Variants in MAST4 observed in about 807,000 individuals in gnomAD.
The protein encoded by MAST4 is microtubule associated serine/threonine kinase family member 4.
MAST4 carries 89 observed loss-of-function variants against 162.7 expected under a neutral mutation model. That is an observed-to-expected ratio of 0.55 (90% CI 0.46 to 0.65). The LOEUF (loss-of-function observed/expected upper bound fraction) is 0.65. Among genes scored for constraint, MAST4 ranks in the 30% least tolerant of loss-of-function variants. The pLI, the probability that MAST4 is intolerant of heterozygous loss-of-function variation, is 0.00. For missense variants in MAST4, 3,153 were observed against 3,374.0 expected (o/e 0.93, Z 1.62); for synonymous variants, 1,479 against 1,361.1 (o/e 1.09, Z -1.91).
chr5:66,853,895 A>C (rs1650906800), intron 3 of MAST4, among the ~76,000 whole-genome samples: 1 of 152,172 alleles, frequency 6.6e-6, no homozygotes, highest in Admixed American at 6.5e-5. Context: ...AGCTATTTTA[A>C]TTATATATTT....
intron 2 of MAST4, among the ~76,000 whole-genome samples, chr5:66,776,132 A>T (rs1242055331): frequency 6.6e-6 from 1 of 152,192 alleles, no homozygotes; most frequent in African/African-American, 2.4e-5. Context: ...CTTGTCTGGA[A>T]GTTTCTGCAT....
Position 66,984,625 on chromosome 5 carries a change from AG to A in MAST4, c.675-69778del, listed in dbSNP as rs1749257313. ...TGTAGAGGGTGGATAGAGCTCAAAA[AG>A]TAACTTAGAATGAGAGAGAATGTTG... On this transcript the variant is annotated intron_variant, in intron 4 of 28. Coordinates refer to ENST00000403625, the MANE Select transcript of MAST4 (RefSeq NM_001164664.2). Among the ~76,000 whole-genome samples the A allele has an allele frequency of 2.6e-5, 4 of 152,268 alleles. No homozygotes were observed. The South Asian group carries it at 8.3e-4, about 32-fold the overall frequency.
chr5:66,618,116 C>T (rs879654056), intron 1 of MAST4, among the ~76,000 whole-genome samples: 81 of 152,074 alleles, frequency 5.3e-4, no homozygotes, highest in African/African-American at 1.8e-3. Flanking sequence ...GTAGGAGCAC[C>T]GGCCTCCCGC....
chr5:66,934,637 A>G (rs916693448), intron 4 of MAST4, among the ~76,000 whole-genome samples: 1 of 152,164 alleles, frequency 6.6e-6, no homozygotes, highest in Non-Finnish European at 1.5e-5. Context: ...TAAGAGTAAG[A>G]ATTGGTGCAG....
chr5:66,911,489 G>A (rs1455439069), intron 4 of MAST4, among the ~76,000 whole-genome samples: 1 of 148,918 alleles, frequency 6.7e-6, no homozygotes, highest in Non-Finnish European at 1.5e-5. Flanking sequence ...ATTGCTTGAG[G>A]TCTGGAGTTG....
intron 1 of MAST4, among the ~76,000 whole-genome samples, chr5:66,683,760 T>C (rs1026473003): frequency 1.3e-5 from 2 of 152,172 alleles, no homozygotes; most frequent in African/African-American, 4.8e-5. Context: ...TAAGTTAGAC[T>C]CCTGGGATCC....
At position 66,669,335 on chromosome 5, in the gene MAST4, C is replaced by G. The variant is rs145047472; in HGVS notation, c.363+72317C>G. 7.5e-4 allele frequency among the ~76,000 whole-genome samples: 114 copies of G among 152,184 alleles called. 1 individual carries two copies. The East Asian group carries it at 0.021, about 28-fold the overall frequency. On this transcript the variant is annotated intron_variant, in intron 1 of 28. Coordinates refer to ENST00000403625, the MANE Select transcript of MAST4 (RefSeq NM_001164664.2). ...GGTGGAGAAGGGGGTGTACCCTATG[C>G]GTATTTATTTAAAATGAGAAGAGAT... is the stretch of plus-strand genomic sequence containing the variant.
intron 4 of MAST4, among the ~76,000 whole-genome samples, chr5:66,981,369 T>C (rs548567269): frequency 3.3e-4 from 51 of 152,356 alleles, no homozygotes; most frequent in African/African-American, 1.2e-3. Context: ...GAATGGCTAA[T>C]AATAGATACT....
At chr5:66,988,217 T>C (rs1749721384) in intron 4 of MAST4, among the ~76,000 whole-genome samples, 1 of 152,232 alleles carries the variant, frequency 6.6e-6, no homozygotes, top group African/African-American at 2.4e-5. Context: ...TCTCTGATTC[T>C]GTCACTGACC....
At chr5:66,892,470 AT>A (rs1407612954) in intron 3 of MAST4, among the ~76,000 whole-genome samples, 2 of 152,128 alleles carry the variant, frequency 1.3e-5, no homozygotes, top group Non-Finnish European at 2.9e-5. Context: ...AAGGAAACCC[AT>A]TTTGTTGGCT....
At chr5:66,624,146 GTTTT>G (rs200030700) in intron 1 of MAST4, among the ~76,000 whole-genome samples, 3 of 90,120 alleles carry the variant, frequency 3.3e-5, no homozygotes, top group Non-Finnish European at 4.0e-5. Context: ...TTGTTAAAAT[GTTTT>G]TTTTTTTTTT....
chr5:66,631,040 A>G (rs1016731112), intron 1 of MAST4, among the ~76,000 whole-genome samples: 3 of 152,180 alleles, frequency 2.0e-5, no homozygotes, highest in South Asian at 2.1e-4. Context: ...CCTTATTTTT[A>G]TAGTTTTTCC....
intron 1 of MAST4, among the ~76,000 whole-genome samples, chr5:66,679,706 A>T (rs1489792309): frequency 6.6e-6 from 1 of 151,828 alleles, no homozygotes; most frequent in African/African-American, 2.4e-5. Context: ...CTTCTCGGTG[A>T]GGGTGTGGGG....
At chr5:67,118,839 G>A in intron 13 of MAST4, 90 bp downstream of exon 13, 2 of 754,706 alleles carry the variant, frequency 2.7e-6, no homozygotes, top group South Asian at 1.7e-5. Context: ...TTCAACAAAT[G>A]TTTATTGTGC....
rs1346152333 is a variant in MAST4, at chr5:66,771,806, C to T, written c.517+11944C>T. Among the ~76,000 whole-genome samples the T allele has an allele frequency of 2.7e-5, 4 of 150,142 alleles. 1 individual carries two copies. Among genetic ancestry groups the T allele is most frequent in the Non-Finnish European group, 5.9e-5 (4 of 67,704 alleles). On this transcript the variant is annotated intron_variant, in intron 2 of 28. Coordinates refer to ENST00000403625, the MANE Select transcript of MAST4 (RefSeq NM_001164664.2). ...AAGGTGTTGAGCTTTTTGGATGAGG[C>T]GTAATCATATTCCTTTTTCTTTCTA... is the stretch of plus-strand genomic sequence containing the variant.
Position 66,809,883 on chromosome 5 carries a change from G to A in MAST4, c.642+21089G>A, listed in dbSNP as rs184763562. Among the ~76,000 whole-genome samples, 347 of 152,218 alleles carry A rather than the reference G, an allele frequency of 2.3e-3. 2 individuals are homozygous for A. Among genetic ancestry groups the A allele is most frequent in the African/African-American group, 8.1e-3 (336 of 41,532 alleles). On this transcript the variant is annotated intron_variant, in intron 3 of 28. Transcript: ENST00000403625. ...CCCGAGTAGCTGGGATTACAGGCAC[G>A]CACCACCACACCCAGGTAATTTTTG...
chr5:67,114,026 TAATAA>T, intron 11 of MAST4, 56 bp from the exon 12 acceptor site: 1 of 1,595,954 alleles, frequency 6.3e-7, no homozygotes, highest in Non-Finnish European at 8.6e-7. Flanking sequence ...GGGATTTATG[TAATAA>T]AACCTCAGAC....
intron 3 of MAST4, among the ~76,000 whole-genome samples, chr5:66,871,156 G>A (rs1760905059): frequency 6.6e-6 from 1 of 152,122 alleles, no homozygotes; most frequent in Non-Finnish European, 1.5e-5. Context: ...CCCGAACTCA[G>A]AGCTGGGAAG....
intron 14 of MAST4, among the ~76,000 whole-genome samples, chr5:67,125,058 C>T (rs1253370110): frequency 6.6e-6 from 1 of 152,048 alleles, no homozygotes; most frequent in Non-Finnish European, 1.5e-5. Flanking sequence ...TAATATACGT[C>T]CAAGGCTCCT....
Sources: allele counts gnomAD v4.1 joint callset (sites outside exome capture counted in the v4.1 genomes callset), GRCh38; gene constraint gnomAD v4.1.1; transcripts MANE v1.5; gene names NCBI Gene and HGNC (gene_info 2026-07-23, HGNC 2026-07-21).